The following PALLD variants were observed in gnomAD, a reference collection of about 807,000 sequenced individuals.
PALLD encodes palladin, cytoskeletal associated protein.
Under a neutral mutation model 123.5 loss-of-function variants are expected in PALLD, and 61 were observed. The ratio of observed to expected loss-of-function variants is 0.49; its 90% CI spans 0.40 to 0.61. The LOEUF is 0.61. PALLD is among the 20% of genes least tolerant of loss of function. PALLD has a pLI of 0.00. For synonymous variants in PALLD, 465 were observed against 496.4 expected (o/e 0.94, Z 0.84); for missense variants, 1,273 against 1,377.0 (o/e 0.92, Z 1.20).
At chr4:168,564,874 C>A (rs1186518762) in intron 2 of PALLD, among the ~76,000 whole-genome samples, 9 of 152,074 alleles carry the variant, frequency 5.9e-5, no homozygotes, top group Non-Finnish European at 1.3e-4. Flanking sequence ...CACATACTTT[C>A]TTAAATTTAA....
At position 168,898,595 on chromosome 4, in the gene PALLD, G is replaced by T. The variant is rs759105985; in HGVS notation, c.2353G>T (p.Asp785Tyr). 6 of 1,613,556 alleles carry T rather than the reference G, an allele frequency of 3.7e-6. No homozygotes were observed. Among genetic ancestry groups the T allele is most frequent in the Middle Eastern group, 1.6e-4 (1 of 6,084 alleles). ...ATCAGGTGATGAAGTTCAGTATGGA[G>T]ATGTGCCTGTGGAAAATGGAATGGC... is the stretch of plus-strand genomic sequence containing the variant. ...DESGDEVQYGDVPVENGMAPF... is the reference protein window; with the variant it reads ...DESGDEVQYGYVPVENGMAPF... Residue 785 changes from aspartate to tyrosine, a missense_variant, in exon 14 of 22, where the codon GAT (aspartate) becomes TAT (tyrosine). Physicochemically the swap from Asp to Tyr is radical, Grantham distance 160 (BLOSUM62 -3). Around this residue, in one of 2 missense-constraint regions of PALLD, gnomAD observed 944 missense variants for 954.5 expected, o/e 0.99. Coordinates refer to ENST00000505667, the MANE Select transcript of PALLD (RefSeq NM_001166108.2).
chr4:168,861,282 A>AG lies in PALLD; in HGVS notation c.1965-29640_1965-29639insG, dbSNP rs563715793. On this transcript the variant is annotated intron_variant, in intron 10 of 21. Coordinates refer to ENST00000505667, the MANE Select transcript of PALLD (RefSeq NM_001166108.2). ...ATAAATCTATTGAATATGGAATTAA[A>AG]AAAAAAAAACTAAGTAAAAAAGCAT... 6.1e-4 allele frequency among the ~76,000 whole-genome samples: 93 copies of AG among 151,890 alleles called. No individual in the cohort carries two copies. In the South Asian group the frequency reaches 0.019, roughly 32 times the overall value.
At chr4:168,805,970 C>G (rs1740134376) in intron 10 of PALLD, among the ~76,000 whole-genome samples, 1 of 152,156 alleles carries the variant, frequency 6.6e-6, no homozygotes, top group African/African-American at 2.4e-5. Flanking sequence ...AATTGTAATC[C>G]TGATGGGAGG....
intron 2 of PALLD, among the ~76,000 whole-genome samples, chr4:168,523,211 A>C (rs1763720289): frequency 9.8e-6 from 1 of 102,426 alleles, no homozygotes; most frequent in African/African-American, 5.0e-5. Flanking sequence ...TTTGAGAACG[A>C]GAAGAAAGAG....
intron 10 of PALLD, chr4:168,877,925 A>C: frequency 6.7e-7 from 1 of 1,488,264 alleles, no homozygotes; most frequent in Non-Finnish European, 8.9e-7. Context: ...CGCCCCCGCC[A>C]TGCAGTCCTC....
chr4:168,729,301 G>T (rs1786913499), intron 10 of PALLD, among the ~76,000 whole-genome samples: 1 of 151,932 alleles, frequency 6.6e-6, no homozygotes, highest in African/African-American at 2.4e-5. Flanking sequence ...GAGTAGCTGG[G>T]ACTATAGGCA....
intron 3 of PALLD, among the ~76,000 whole-genome samples, chr4:168,669,195 C>T (rs2723706): frequency 0.55 from 84,134 of 151,994 alleles, 24,334 homozygotes; most frequent in African/African-American, 0.72. Flanking sequence ...ACCAATATCT[C>T]CATTATGTGG....
chr4:168,607,020 T>C (rs1036329325), intron 2 of PALLD, among the ~76,000 whole-genome samples: 3 of 152,180 alleles, frequency 2.0e-5, no homozygotes, highest in African/African-American at 7.2e-5. Flanking sequence ...TAAAATCATA[T>C]TTTGTATGTG....
At chr4:168,813,535 G>T (rs1035621539) in intron 10 of PALLD, among the ~76,000 whole-genome samples, 4 of 152,130 alleles carry the variant, frequency 2.6e-5, no homozygotes, top group African/African-American at 9.7e-5. Context: ...GTGGCTCACT[G>T]CAGCCTCAAA....
intron 2 of PALLD, among the ~76,000 whole-genome samples, chr4:168,606,643 G>A (rs1773204221): frequency 7.0e-6 from 1 of 142,710 alleles, no homozygotes; most frequent in African/African-American, 2.7e-5. Flanking sequence ...CAGCCTGGGG[G>A]ACAGAGCGAG....
At chr4:168,801,596 A>G (rs1739340772) in intron 10 of PALLD, among the ~76,000 whole-genome samples, 2 of 152,222 alleles carry the variant, frequency 1.3e-5, no homozygotes, top group South Asian at 4.1e-4. Flanking sequence ...TTTTTTTAAA[A>G]GACGTGCAGA....
intron 8 of PALLD, among the ~76,000 whole-genome samples, chr4:168,693,779 G>A (rs1052357552): frequency 7.9e-5 from 12 of 152,128 alleles, no homozygotes; most frequent in South Asian, 6.2e-4. Context: ...ATGACACGAC[G>A]AGACTTTCTT....
At position 168,830,707 on chromosome 4, in the gene PALLD, G is replaced by T. The variant is rs190930142; in HGVS notation, c.1965-60215G>T. The stretch of plus-strand genomic sequence containing the variant: ...TTTATTGTTTAAAGAACAATATTTG[G>T]TTTTTAATATTTTACAGACATCGTT... On this transcript the variant is annotated intron_variant, in intron 10 of 21. Transcript: ENST00000505667. Among the ~76,000 whole-genome samples the T allele has an allele frequency of 6.9e-3, 1,046 of 152,250 alleles. 7 individuals are homozygous for T. Among genetic ancestry groups the T allele is most frequent in the Middle Eastern group, 0.037 (11 of 294 alleles).
chr4:168,629,577 G>A (rs191128880), intron 2 of PALLD, among the ~76,000 whole-genome samples: 1 of 152,322 alleles, frequency 6.6e-6, no homozygotes, highest in African/African-American at 2.4e-5. Context: ...TTGTAATTCA[G>A]TAGTTCTGAG....
At chr4:168,610,362 G>A (rs1375523682) in intron 2 of PALLD, among the ~76,000 whole-genome samples, 4 of 152,194 alleles carry the variant, frequency 2.6e-5, no homozygotes, top group Non-Finnish European at 4.4e-5. Flanking sequence ...TTTCAAGGCT[G>A]AGATGCTCAG....
chr4:168,522,624 A>T (rs1337469864), intron 2 of PALLD, among the ~76,000 whole-genome samples: 2 of 152,230 alleles, frequency 1.3e-5, no homozygotes, highest in African/African-American at 4.8e-5. Context: ...TAGACATTGC[A>T]TTCTTTTGAC....
At chr4:168,721,920 C>T (rs1437800733) in intron 10 of PALLD, among the ~76,000 whole-genome samples, 1 of 152,210 alleles carries the variant, frequency 6.6e-6, no homozygotes, top group Non-Finnish European at 1.5e-5. Flanking sequence ...TCCAAAATAA[C>T]TTTACTCCTC....
intron 6 of PALLD, among the ~76,000 whole-genome samples, chr4:168,688,626 T>C (rs1413176984): frequency 6.6e-6 from 1 of 152,244 alleles, no homozygotes; most frequent in Non-Finnish European, 1.5e-5. Context: ...AAGGTTCTCC[T>C]AATGGCTTAC....
At chr4:168,889,793 G>A (rs938735360) in intron 10 of PALLD, among the ~76,000 whole-genome samples, 1 of 152,154 alleles carries the variant, frequency 6.6e-6, no homozygotes, top group African/African-American at 2.4e-5. Flanking sequence ...CTGAATTTGT[G>A]ATTCAGTAGG....
Sources: gnomAD v4.1 joint callset for allele counts (sites outside exome capture counted in the v4.1 genomes callset) on GRCh38, gnomAD v4.1.1 for gene constraint, gnomAD v4.1.1 regional missense constraint, MANE v1.5 for transcripts, NCBI Gene and HGNC (gene_info 2026-07-23, HGNC 2026-07-21) for gene names.